The following PSD3 variants were observed in gnomAD, a reference collection of about 807,000 sequenced individuals.
PSD3 encodes the protein PH and SEC7 domain-containing protein 3.
PSD3 carries 49 observed loss-of-function variants against 105.5 expected under a neutral mutation model. The ratio of observed to expected loss-of-function variants is 0.46; its 90% confidence interval spans 0.37 to 0.59. The LOEUF (loss-of-function observed/expected upper bound fraction) is 0.59. Among genes scored for constraint, PSD3 ranks in the 20% least tolerant of loss-of-function variants. The pLI, the probability that PSD3 is intolerant of heterozygous loss-of-function variation, is 0.00. For synonymous variants in PSD3, 557 were observed against 457.8 expected, an observed-to-expected ratio of 1.22 and a Z score of -2.77; for missense variants, 1,561 against 1,263.8, an observed-to-expected ratio of 1.24 and a Z score of -3.57.
At chr8:19,073,211 G>A (rs1829330485) in intron 1 of PSD3, among the ~76,000 whole-genome samples, 1 of 152,166 alleles carries the variant, frequency 6.6e-6, no homozygotes, top group Non-Finnish European at 1.5e-5. Flanking sequence ...GAAAAGGGAT[G>A]AGGTGGGGAA....
At chr8:18,549,423 G>C (rs1800636350) in intron 15 of PSD3, among the ~76,000 whole-genome samples, 1 of 152,080 alleles carries the variant, frequency 6.6e-6, no homozygotes, top group Non-Finnish European at 1.5e-5. Flanking sequence ...GGCCAGGCTG[G>C]TCTTGAACTC....
intron 8 of PSD3, among the ~76,000 whole-genome samples, chr8:18,793,782 G>C (rs1348005979): frequency 1.3e-5 from 2 of 152,176 alleles, no homozygotes; most frequent in African/African-American, 4.8e-5. Context: ...TATCCTGCAG[G>C]ACGATGAGAG....
At chr8:18,828,199 T>C (rs1249795965) in intron 4 of PSD3, among the ~76,000 whole-genome samples, 2 of 151,572 alleles carry the variant, frequency 1.3e-5, no homozygotes, top group Non-Finnish European at 2.9e-5. Context: ...ATGTCACAGA[T>C]TTGCCAAAGG....
intron 9 of PSD3, among the ~76,000 whole-genome samples, chr8:18,686,618 C>T (rs1380338335): frequency 6.6e-6 from 1 of 152,208 alleles, no homozygotes; most frequent in African/African-American, 2.4e-5. Context: ...AAAAGCTGTA[C>T]AGACCTCAGC....
chr8:18,570,747 G>C (rs978727268), intron 14 of PSD3, among the ~76,000 whole-genome samples: 1 of 151,876 alleles, frequency 6.6e-6, no homozygotes, highest in African/African-American at 2.4e-5. Flanking sequence ...GGCCATCAGA[G>C]AAATGCAAGT....
intron 2 of PSD3, among the ~76,000 whole-genome samples, chr8:18,917,914 T>C (rs534891566): frequency 6.6e-5 from 10 of 152,230 alleles, no homozygotes; most frequent in African/African-American, 2.4e-4. Flanking sequence ...TGTGTGGGTG[T>C]GGGCAGGTGG....
rs1563332201 is a variant in PSD3 at position 18,569,746 on chromosome 8, G to C, written c.2784+2782C>G. 1.2e-4 allele frequency among the ~76,000 whole-genome samples: 2 copies of C among 17,120 alleles called. 1 individual carries two copies. The highest frequency in any genetic ancestry group is 1.8e-3 in the Admixed American group (2 of 1,128). The allele number at this position is 17,120 out of a possible 152,430, so 11.2% of individuals were successfully genotyped here. A position where few individuals can be genotyped will look rare whatever the true frequency, so the allele number is the denominator to read the frequency against. On this transcript the variant is annotated intron_variant, in intron 14 of 15. Coordinates refer to ENST00000327040, the MANE Select transcript of PSD3 (RefSeq NM_015310.4). ...TCATCTAGCATTAGGTATATCTCCC[G>C]ATGCTATCCCTCCCCACTCCCCCGA...
At chr8:18,691,739 C>T (rs7821520) in intron 9 of PSD3, among the ~76,000 whole-genome samples, 111,346 of 152,018 alleles carry the variant, frequency 0.73, 43,928 homozygotes, top group Non-Finnish European at 0.91. Flanking sequence ...ACAAATATTC[C>T]CCAAGTGCCT....
Position 18,677,922 on chromosome 8 carries a change from G to A in PSD3, c.2173-22237C>T, listed in dbSNP as rs28635526. On this transcript the variant is annotated intron_variant, in intron 9 of 15. Transcript: ENST00000327040. ...CTACTCGGGAGGCTGAAGCAGGAGA[G>A]TGGTGTGAACCTGGGAGGCAGAGCT... Among the ~76,000 whole-genome samples the A allele has an allele frequency of 8.9e-3, 1,343 of 151,628 alleles. 21 individuals carry two copies. Among genetic ancestry groups the A allele is most frequent in the African/African-American group, 0.03 (1,235 of 41,326 alleles).
chr8:18,533,693 C>T lies in PSD3; in HGVS notation c.*2050G>A, dbSNP rs1445184537. On this transcript the variant is annotated 3_prime_UTR_variant, in exon 16 of 16. Coordinates refer to ENST00000327040, the MANE Select transcript of PSD3 (RefSeq NM_015310.4). ...GATGACATGGTCTAGGTACCTCTCT[C>T]CCCTCGGCTTAGTATAAACATTTAG... 2.6e-5 allele frequency: 4 copies of T among 152,176 alleles called. No homozygotes were observed. Among genetic ancestry groups the T allele is most frequent in the African/African-American group, 9.7e-5 (4 of 41,442 alleles). The allele number at this position is 152,176 out of a possible 1,614,324, so 9.4% of individuals were successfully genotyped here. A position where few individuals can be genotyped will look rare whatever the true frequency, so the allele number is the denominator to read the frequency against.
chr8:19,042,571 G>A (rs943702431), intron 1 of PSD3, among the ~76,000 whole-genome samples: 1 of 152,192 alleles, frequency 6.6e-6, no homozygotes, highest in African/African-American at 2.4e-5. Context: ...GGATACCAGT[G>A]AAATTTGTGC....
chr8:18,812,550 C>T (rs527306130), intron 4 of PSD3, among the ~76,000 whole-genome samples: 251 of 152,162 alleles, frequency 1.6e-3, no homozygotes, highest in Admixed American at 7.4e-3. Flanking sequence ...CTATAGGTCC[C>T]GGAGGACCTG....
chr8:18,683,053 T>C (rs1177294896), intron 9 of PSD3, among the ~76,000 whole-genome samples: 1 of 152,142 alleles, frequency 6.6e-6, no homozygotes, highest in African/African-American at 2.4e-5. Context: ...ACACAGATGG[T>C]GGTGGGAAGA....
At position 18,782,428 on chromosome 8, in the gene PSD3, T is replaced by A. The variant is rs188674689; in HGVS notation, c.2082+16867A>T. The stretch of plus-strand genomic sequence containing the variant: ...GCAGTGCAGTCTCCATATGACTTCT[T>A]TGACTATCTTTAGCATCAGTGGTGT... On this transcript the variant is annotated intron_variant, in intron 8 of 15. Coordinates refer to ENST00000327040, the MANE Select transcript of PSD3 (RefSeq NM_015310.4). 2.6e-4 allele frequency among the ~76,000 whole-genome samples: 40 copies of A among 152,310 alleles called. 1 individual carries two copies. The highest frequency in any genetic ancestry group is 9.6e-4 in the African/African-American group (40 of 41,556).
intron 8 of PSD3, among the ~76,000 whole-genome samples, chr8:18,770,651 C>T (rs548405805): frequency 2.8e-4 from 42 of 152,286 alleles, no homozygotes; most frequent in African/African-American, 9.4e-4. Flanking sequence ...GTACTGGTCC[C>T]GCAGCAACAT....
chr8:18,598,771 T>C (rs1332112232), intron 12 of PSD3, among the ~76,000 whole-genome samples: 1 of 151,960 alleles, frequency 6.6e-6, no homozygotes, highest in East Asian at 1.9e-4. Flanking sequence ...GAAAAGGAAA[T>C]GAATAATACC....
At chr8:18,604,808 C>T (rs887987722) in intron 11 of PSD3, among the ~76,000 whole-genome samples, 2 of 152,164 alleles carry the variant, frequency 1.3e-5, no homozygotes, top group Non-Finnish European at 1.5e-5. Flanking sequence ...CTCAAAGGGG[C>T]CTGGGTACAG....
chr8:18,987,322 C>T (rs1056328478), intron 1 of PSD3, among the ~76,000 whole-genome samples: 1 of 150,930 alleles, frequency 6.6e-6, no homozygotes, highest in African/African-American at 2.4e-5. Flanking sequence ...GAGTCTCGCA[C>T]TTTCGCCCAG....
rs2130855636 is a variant in PSD3 at position 18,656,308 on chromosome 8, T to C, written c.2173-623A>G. Among the ~76,000 whole-genome samples the C allele has an allele frequency of 2.6e-5, 4 of 151,714 alleles. 1 individual carries two copies. The Middle Eastern group carries it at 0.014, about 530-fold the overall frequency. On this transcript the variant is annotated intron_variant, in intron 9 of 15. Transcript: ENST00000327040. ...CCTGATCTCAGGTGATCCACCTGCC[T>C]CAGCCTCCCAAAGTGCTGGGATTAG... is the stretch of plus-strand genomic sequence containing the variant.
Sources: allele counts gnomAD v4.1 joint callset (sites outside exome capture counted in the v4.1 genomes callset), GRCh38; gene constraint gnomAD v4.1.1; transcripts MANE v1.5; gene names NCBI Gene and HGNC (gene_info 2026-07-23, HGNC 2026-07-21).